Variants in CPQ observed in about 807,000 individuals in gnomAD.
The protein encoded by CPQ is Ser-Met dipeptidase.
In CPQ, 37 loss-of-function variants were observed where a neutral mutation model predicts 45.7. The observed-to-expected ratio is 0.81, with a 90% CI of 0.62 to 1.07. The LOEUF (loss-of-function observed/expected upper bound fraction) is 1.07. Ranked by LOEUF, CPQ falls within the 50% of genes least tolerant of loss-of-function variation. The pLI is 0.00. For missense variants in CPQ, 537 were observed against 572.9 expected, an observed-to-expected ratio of 0.94 and a Z score of 0.64; for synonymous variants, 186 against 205.8, an observed-to-expected ratio of 0.90 and a Z score of 0.82.
At chr8:96,800,739 AC>A (rs1383948549) in intron 2 of CPQ, among the ~76,000 whole-genome samples, 1 of 152,228 alleles carries the variant, frequency 6.6e-6, no homozygotes, top group Non-Finnish European at 1.5e-5. Context: ...GCATATGTAT[AC>A]ATACAATTTT....
intron 7 of CPQ, among the ~76,000 whole-genome samples, chr8:97,111,191 A>G (rs1563583206): frequency 6.6e-6 from 1 of 152,212 alleles, no homozygotes; most frequent in East Asian, 1.9e-4. Context: ...CCTGATCTGT[A>G]TCCTCCTCCA....
chr8:96,771,068 C>T (rs1471984835), intron 1 of CPQ, among the ~76,000 whole-genome samples: 1 of 145,636 alleles, frequency 6.9e-6, no homozygotes, highest in African/African-American at 2.5e-5. Flanking sequence ...TGTGGTAGTT[C>T]AGGTTGAAGC....
intron 4 of CPQ, among the ~76,000 whole-genome samples, chr8:96,919,332 C>A (rs1812777691): frequency 6.6e-6 from 1 of 152,214 alleles, no homozygotes; most frequent in Non-Finnish European, 1.5e-5. Context: ...CTGTCTGTGG[C>A]ACATGCCATA....
intron 5 of CPQ, among the ~76,000 whole-genome samples, chr8:96,985,229 CT>C (rs1368635003): frequency 6.7e-5 from 10 of 149,076 alleles, no homozygotes; most frequent in Non-Finnish European, 1.3e-4. Context: ...CTTGCTCTTA[CT>C]TTTTTTTCTT....
chr8:96,974,067 AACAGAATG>A (rs1813730669), intron 5 of CPQ, among the ~76,000 whole-genome samples: 1 of 152,178 alleles, frequency 6.6e-6, no homozygotes, highest in Non-Finnish European at 1.5e-5. Context: ...CTTAAAAGAT[AACAGAATG>A]ACAGAATGGA....
At chr8:97,126,690 T>C (rs1180543239) in intron 7 of CPQ, among the ~76,000 whole-genome samples, 1 of 152,128 alleles carries the variant, frequency 6.6e-6, no homozygotes. Context: ...AAAATACATG[T>C]AAAATTTAGG....
rs1810742864 is a variant in CPQ, at chr8:96,784,961, G to A, written c.64G>A (p.Ala22Thr). 1.9e-6 allele frequency: 3 copies of A among 1,613,642 alleles called. No individual in the cohort carries two copies. Among genetic ancestry groups the A allele is most frequent in the African/African-American group, 1.3e-5 (1 of 74,904 alleles). Reference protein sequence around the residue: ...VHLLSLCSGKAICKNGISKRT... With the variant: ...VHLLSLCSGKTICKNGISKRT... ...CCTTTTATCCCTGTGCTCTGGGAAA[G>A]CTATATGCAAGAATGGCATCTCTAA... The change falls in exon 2 of 8, where the codon GCT (alanine) becomes ACT (threonine). Residue 22 changes from alanine (A) to threonine (T), a missense_variant. Coordinates refer to ENST00000220763, the MANE Select transcript of CPQ (RefSeq NM_016134.4).
chr8:97,044,316 C>T (rs930642866), intron 6 of CPQ, among the ~76,000 whole-genome samples: 8 of 152,310 alleles, frequency 5.3e-5, no homozygotes, highest in African/African-American at 1.4e-4. Flanking sequence ...AGTTCTTGAG[C>T]CTTGGCTTTC....
chr8:96,915,266 C>A (rs1812717019), intron 4 of CPQ, among the ~76,000 whole-genome samples: 1 of 152,076 alleles, frequency 6.6e-6, no homozygotes, highest in Non-Finnish European at 1.5e-5. Flanking sequence ...TCCAAAGCTC[C>A]TGAAGCATCT....
chr8:96,817,321 C>T (rs948143391), intron 2 of CPQ, among the ~76,000 whole-genome samples: 2 of 152,104 alleles, frequency 1.3e-5, no homozygotes, highest in Non-Finnish European at 2.9e-5. Flanking sequence ...GTTCATGGTG[C>T]TCCAAAACAA....
At chr8:96,997,836 C>T (rs185474751) in intron 5 of CPQ, among the ~76,000 whole-genome samples, 1 of 152,052 alleles carries the variant, frequency 6.6e-6, no homozygotes, top group Admixed American at 6.6e-5. Context: ...AAGTCTTAAG[C>T]TCTTTTGCTA....
intron 1 of CPQ, among the ~76,000 whole-genome samples, chr8:96,717,504 C>T (rs1289363060): frequency 6.6e-6 from 1 of 152,102 alleles, no homozygotes; most frequent in Non-Finnish European, 1.5e-5. Context: ...GCCTCAAGAA[C>T]AATATGATTT....
At chr8:97,043,955 A>G (rs1346194900) in intron 6 of CPQ, among the ~76,000 whole-genome samples, 6 of 152,110 alleles carry the variant, frequency 3.9e-5, no homozygotes, top group Non-Finnish European at 7.3e-5. Context: ...TTTGACAATT[A>G]TATGTCTTGG....
intron 1 of CPQ, among the ~76,000 whole-genome samples, chr8:96,667,647 C>A (rs1211325736): frequency 6.6e-6 from 1 of 152,096 alleles, no homozygotes; most frequent in African/African-American, 2.4e-5. Context: ...CCGCACCTGG[C>A]CTTATCTCCT....
chr8:96,803,937 G>C (rs1200968862), intron 2 of CPQ, among the ~76,000 whole-genome samples: 1 of 152,140 alleles, frequency 6.6e-6, no homozygotes, highest in South Asian at 2.1e-4. Flanking sequence ...GTGTGCCCAG[G>C]TCAAGGTGAT....
intron 7 of CPQ, among the ~76,000 whole-genome samples, chr8:97,084,028 G>C (rs1811000578): frequency 6.6e-6 from 1 of 152,076 alleles, no homozygotes; most frequent in African/African-American, 2.4e-5. Flanking sequence ...AGTGAAAATT[G>C]CTTACAATGT....
At chr8:96,794,937 G>A (rs890916538) in intron 2 of CPQ, among the ~76,000 whole-genome samples, 3 of 152,038 alleles carry the variant, frequency 2.0e-5, no homozygotes, top group Admixed American at 6.6e-5. Flanking sequence ...ATATTATTAT[G>A]AGCATTTTGG....
intron 5 of CPQ, among the ~76,000 whole-genome samples, chr8:97,024,358 T>C (rs116933119): frequency 0.018 from 2,701 of 152,154 alleles, 39 homozygotes; most frequent in Non-Finnish European, 0.027. Flanking sequence ...GCAGATTGTT[T>C]CTCGGGGTGG....
chr8:96,913,195 T>G (rs185098432), intron 4 of CPQ, among the ~76,000 whole-genome samples: 5 of 152,212 alleles, frequency 3.3e-5, no homozygotes, highest in African/African-American at 1.2e-4. Flanking sequence ...TAGGCAACCA[T>G]GTATATAGCT....
Sources: gnomAD v4.1 joint callset for allele counts (sites outside exome capture counted in the v4.1 genomes callset) on GRCh38, gnomAD v4.1.1 for gene constraint, MANE v1.5 for transcripts, NCBI Gene and HGNC (gene_info 2026-07-23, HGNC 2026-07-21) for gene names.